Variants in BAD observed in about 807,000 individuals in gnomAD.
BAD encodes bcl2-associated agonist of cell death.
A neutral mutation model predicts 17.8 loss-of-function variants in BAD; 18 were observed. The observed-to-expected ratio is 1.01, with a 90% confidence interval of 0.70 to 1.50. BAD has a LOEUF of 1.50. Among genes scored for constraint, BAD ranks in the 40% most tolerant of loss-of-function variants. The probability of loss-of-function intolerance (pLI) is 0.00; values close to 1 mark genes in which losing one functional copy is unlikely to be tolerated. For synonymous variants in BAD, 112 were observed against 91.5 expected (o/e 1.22, Z -1.28); for missense variants, 294 against 239.3 (o/e 1.23, Z -1.51).
intron 2 of BAD, among the ~76,000 whole-genome samples, chr11:64,280,819 C>G (rs952559889): frequency 6.6e-6 from 1 of 151,902 alleles, no homozygotes; most frequent in Non-Finnish European, 1.5e-5. Context: ...AGGCGCCCAC[C>G]ACCACATCCA....
chr11:64,284,229 T>C lies in BAD; in HGVS notation c.140A>G (p.Asp47Gly), dbSNP rs1277708500. The C allele has an allele frequency of 1.9e-6, 3 of 1,607,024 alleles. No homozygotes were observed. In the African/African-American group the frequency reaches 4.0e-5, roughly 22 times the overall value. Residue 47 changes from aspartate (D) to glycine (G), a missense_variant, in exon 2 of 4, where the codon GAC becomes GGC. Coordinates refer to ENST00000309032, the MANE Select transcript of BAD (RefSeq NM_032989.3). Reference protein sequence around the residue: ...HHRQAPGLLWDASHQQEQPTS... With the variant: ...HHRQAPGLLWGASHQQEQPTS... ...TGGCTGCTCCTGCTGGTGACTGGCG[T>C]CCCACAGGAGGCCTGGGGCCTGGCG...
intron 1 of BAD, 78 bp from the exon 2 acceptor site, chr11:64,284,454 T>C: frequency 6.2e-7 from 1 of 1,600,084 alleles, no homozygotes; most frequent in East Asian, 2.2e-5. Flanking sequence ...CAGGTACCCC[T>C]GGCTTCCTCT....
At position 64,270,197 on chromosome 11, in the gene BAD, G is replaced by T. The variant is rs1484401372; in HGVS notation, c.*12C>A. 1.2e-6 allele frequency: 2 copies of T among 1,613,994 alleles called. No homozygotes were observed. Among genetic ancestry groups the T allele is most frequent in the Non-Finnish European group, 1.7e-6 (2 of 1,179,944 alleles). ...GTGGGAACGGGTGGAGTTTCGGGAT[G>T]TGGAGCGAAGGTCACTGGGAGGGGG... On this transcript the variant is annotated 3_prime_UTR_variant, in exon 4 of 4. Coordinates refer to ENST00000309032, the MANE Select transcript of BAD (RefSeq NM_032989.3).
At chr11:64,273,246 G>A (rs998664462) in intron 2 of BAD, among the ~76,000 whole-genome samples, 5 of 152,132 alleles carry the variant, frequency 3.3e-5, no homozygotes, top group African/African-American at 7.2e-5. Flanking sequence ...GGTGGTTCAC[G>A]CCTGTAGTCC....
Position 64,269,972 on chromosome 11 carries a change from G to A in BAD, c.*237C>T, listed in dbSNP as rs527760717. On this transcript the variant is annotated 3_prime_UTR_variant, in exon 4 of 4. Coordinates refer to ENST00000309032, the MANE Select transcript of BAD (RefSeq NM_032989.3). ...GCCTGGGGGAAAGCCCGGAGCCTGA[G>A]GGCGGGGCCACGGAGCCACTTCCGG... The A allele has an allele frequency of 2.8e-5, 22 of 776,098 alleles. No homozygotes were observed. Among genetic ancestry groups the A allele is most frequent in the Admixed American group, 2.6e-4 (12 of 45,506 alleles). 48.1% of individuals were successfully genotyped at this position (776,098 alleles called of 1,614,324 possible).
In BAD at chr11:64,269,958, A is replaced by C; in HGVS notation, c.*251T>G. ...GACTTAGCGCAGGCGCCTGGGGGAAAGCCCGGAGCCTGAGGGCGGGGCCAC... is the reference window on the plus strand; with the variant it reads ...GACTTAGCGCAGGCGCCTGGGGGAACGCCCGGAGCCTGAGGGCGGGGCCAC... On this transcript the variant is annotated 3_prime_UTR_variant, in exon 4 of 4. Transcript: ENST00000309032. The C allele has an allele frequency of 2.7e-6, 2 of 741,344 alleles. No homozygotes were observed. Among genetic ancestry groups the C allele is most frequent in the Non-Finnish European group, 4.7e-6 (2 of 429,496 alleles). 45.9% of individuals were successfully genotyped at this position (741,344 alleles called of 1,614,324 possible).
chr11:64,275,311 G>GA (rs2032978142), intron 2 of BAD, among the ~76,000 whole-genome samples: 1 of 152,214 alleles, frequency 6.6e-6, no homozygotes, highest in Non-Finnish European at 1.5e-5. Context: ...GGCACTGACG[G>GA]AACAGGCCTG....
Position 64,270,031 on chromosome 11 carries a change from G to T in BAD, c.*178C>A. 8.2e-7 allele frequency: 1 copy of T among 1,225,728 alleles called. No homozygotes were observed. Among genetic ancestry groups the T allele is most frequent in the Non-Finnish European group, 1.1e-6 (1 of 872,854 alleles). 75.9% of individuals were successfully genotyped at this position (1,225,728 alleles called of 1,614,324 possible). On this transcript the variant is annotated 3_prime_UTR_variant, in exon 4 of 4. Transcript: ENST00000309032. ...GGCGGAAAACCCAAAACTTCCGATG[G>T]GACCAAGCCTTCCGTGGCTTCACAC...
Position 64,269,945 on chromosome 11 carries a change from G to T in BAD, c.*264C>A. 1.4e-6 allele frequency: 1 copy of T among 721,822 alleles called. No homozygotes were observed. Among genetic ancestry groups the T allele is most frequent in the South Asian group, 1.5e-5 (1 of 66,660 alleles). 44.7% of individuals were successfully genotyped at this position (721,822 alleles called of 1,614,324 possible). The stretch of plus-strand genomic sequence containing the variant: ...AAACCTGGCTCGCGACTTAGCGCAG[G>T]CGCCTGGGGGAAAGCCCGGAGCCTG... On this transcript the variant is annotated 3_prime_UTR_variant, in exon 4 of 4. Coordinates refer to ENST00000309032, the MANE Select transcript of BAD (RefSeq NM_032989.3).
chr11:64,273,043 T>C (rs552891647), intron 2 of BAD, among the ~76,000 whole-genome samples: 5 of 151,830 alleles, frequency 3.3e-5, no homozygotes, highest in African/African-American at 4.8e-5. Context: ...CTAGGCAACA[T>C]TGCAAAACCC....
intron 2 of BAD, among the ~76,000 whole-genome samples, chr11:64,274,814 C>CTT (rs776333851): frequency 1.0e-4 from 15 of 150,570 alleles, no homozygotes; most frequent in Non-Finnish European, 1.6e-4. Flanking sequence ...GAGTGAGACT[C>CTT]TGTCTCAAAA....
At chr11:64,283,047 C>A (rs1426420818) in intron 2 of BAD, among the ~76,000 whole-genome samples, 2 of 152,094 alleles carry the variant, frequency 1.3e-5, no homozygotes, top group Non-Finnish European at 2.9e-5. Flanking sequence ...GAGCGAGACC[C>A]TGTCTCAAAA....
At chr11:64,281,814 G>A (rs1400356790) in intron 2 of BAD, among the ~76,000 whole-genome samples, 3 of 152,122 alleles carry the variant, frequency 2.0e-5, no homozygotes, top group Non-Finnish European at 4.4e-5. Context: ...TCCGCCTCCC[G>A]GGTTCAAGCG....
chr11:64,284,684 C>T (rs1391360919), upstream of BAD: 13 of 1,535,680 alleles, frequency 8.5e-6, no homozygotes, highest in Non-Finnish European at 1.1e-5. Flanking sequence ...CCTCCAGCAC[C>T]CCGGGCTCCG....
chr11:64,273,322 G>A (rs1351169689), intron 2 of BAD, among the ~76,000 whole-genome samples: 2 of 152,178 alleles, frequency 1.3e-5, no homozygotes, highest in Admixed American at 6.5e-5. Flanking sequence ...GCAGTGAGCC[G>A]AGATTGTGCC....
chr11:64,278,463 T>C (rs1026436513), intron 2 of BAD, among the ~76,000 whole-genome samples: 1 of 151,664 alleles, frequency 6.6e-6, no homozygotes, highest in Non-Finnish European at 1.5e-5. Context: ...ACTTAGCCCC[T>C]CCTCTGCGCC....
chr11:64,270,195 A>T lies in BAD; in HGVS notation c.*14T>A. The stretch of plus-strand genomic sequence containing the variant: ...CAGTGGGAACGGGTGGAGTTTCGGG[A>T]TGTGGAGCGAAGGTCACTGGGAGGG... On this transcript the variant is annotated 3_prime_UTR_variant, in exon 4 of 4. Transcript: ENST00000309032. 1 of 1,613,896 alleles carries T rather than the reference A, an allele frequency of 6.2e-7. No individual in the cohort carries two copies. The highest frequency in any genetic ancestry group is 8.5e-7 in the Non-Finnish European group (1 of 1,179,928).
intron 2 of BAD, chr11:64,277,167 A>G (rs1053973320): frequency 5.7e-5 from 34 of 595,766 alleles, no homozygotes; most frequent in Non-Finnish European, 9.0e-5. Context: ...GCCATCAGGC[A>G]AGGGCTGGGT....
chr11:64,276,268 ATATATT>A (rs1340536594), intron 2 of BAD: 1 of 137,658 alleles, frequency 7.3e-6, no homozygotes, highest in Non-Finnish European at 1.5e-5. Context: ...ACAAATATAC[ATATATT>A]TATGTGTGTG....
Sources: allele counts gnomAD v4.1 joint callset (sites outside exome capture counted in the v4.1 genomes callset), GRCh38; gene constraint gnomAD v4.1.1; transcripts MANE v1.5; gene names NCBI Gene and HGNC (gene_info 2026-07-23, HGNC 2026-07-21).